Variants in CCDC30 observed in about 807,000 individuals in gnomAD.
CCDC30 encodes the protein coiled-coil domain containing 30, also known as coiled-coil domain-containing protein 30.
In CCDC30, 70 loss-of-function variants were observed where a neutral mutation model predicts 100.2. The ratio of observed to expected loss-of-function variants is 0.70; its 90% CI spans 0.58 to 0.85. CCDC30 has a LOEUF of 0.85. Ranked by LOEUF, CCDC30 falls within the 40% of genes least tolerant of loss-of-function variation. The pLI, the probability that CCDC30 is intolerant of heterozygous loss-of-function variation, is 0.00. For synonymous variants in CCDC30, 233 were observed against 269.5 expected, an observed-to-expected ratio of 0.86 and a Z score of 1.33; for missense variants, 652 against 771.2, an observed-to-expected ratio of 0.85 and a Z score of 1.83.
intron 1 of CCDC30, among the ~76,000 whole-genome samples, chr1:42,474,052 T>C (rs2148445510): frequency 6.6e-6 from 1 of 152,302 alleles, no homozygotes; most frequent in Middle Eastern, 3.4e-3. Flanking sequence ...TAATGAATTA[T>C]CTCAGGTTGC....
intron 6 of CCDC30, among the ~76,000 whole-genome samples, chr1:42,555,495 G>A (rs916602148): frequency 6.6e-6 from 1 of 152,138 alleles, no homozygotes; most frequent in African/African-American, 2.4e-5. Flanking sequence ...ATCATGTCCT[G>A]TTGAAGCCCT....
At chr1:42,546,349 C>T (rs1282974355) in intron 6 of CCDC30, among the ~76,000 whole-genome samples, 2 of 130,784 alleles carry the variant, frequency 1.5e-5, no homozygotes, top group African/African-American at 5.7e-5. Flanking sequence ...CACGCCATTG[C>T]ACTCCAGCCT....
chr1:42,491,286 A>G (rs1644136884), intron 4 of CCDC30, among the ~76,000 whole-genome samples: 1 of 152,216 alleles, frequency 6.6e-6, no homozygotes, highest in Non-Finnish European at 1.5e-5. Context: ...CCCATGAAAC[A>G]TTCACCAAGA....
At chr1:42,601,798 A>G (rs1646409676) in intron 10 of CCDC30, among the ~76,000 whole-genome samples, 1 of 152,220 alleles carries the variant, frequency 6.6e-6, no homozygotes, top group Non-Finnish European at 1.5e-5. Flanking sequence ...AACAACAGCA[A>G]ACAGGAAACC....
chr1:42,477,525 T>C (rs1643897522), intron 1 of CCDC30, among the ~76,000 whole-genome samples: 1 of 152,112 alleles, frequency 6.6e-6, no homozygotes, highest in African/African-American at 2.4e-5. Flanking sequence ...TTTTGCAATA[T>C]AAATTAGCTC....
At chr1:42,653,470 C>G (rs1479407890) in intron 16 of CCDC30, 27 bp downstream of exon 20, 1 of 1,428,892 alleles carries the variant, frequency 7.0e-7, no homozygotes, top group Non-Finnish European at 9.8e-7. Flanking sequence ...CAAATAAAGT[C>G]AAGTCTATCT....
At chr1:42,483,199 T>C (rs1643993818) in intron 3 of CCDC30, among the ~76,000 whole-genome samples, 1 of 152,244 alleles carries the variant, frequency 6.6e-6, no homozygotes. Flanking sequence ...CTCAGTCTTA[T>C]AAGATTCATT....
intron 3 of CCDC30, among the ~76,000 whole-genome samples, chr1:42,483,648 T>C (rs1044646330): frequency 2.6e-5 from 4 of 152,236 alleles, no homozygotes; most frequent in Admixed American, 1.3e-4. Context: ...TTGTTGTTGT[T>C]ACTCGTTTGG....
intron 11 of CCDC30, among the ~76,000 whole-genome samples, chr1:42,633,639 G>A (rs1377529538): frequency 2.0e-5 from 3 of 152,082 alleles, no homozygotes; most frequent in African/African-American, 7.2e-5. Flanking sequence ...GCCAGTCTCC[G>A]TGTCTCATAT....
chr1:42,461,138 A>G (rs898995320), upstream of CCDC30, among the ~76,000 whole-genome samples: 2 of 152,228 alleles, frequency 1.3e-5, no homozygotes, highest in African/African-American at 4.8e-5. Context: ...TTTGACTTAA[A>G]ATACAATTCA....
intron 6 of CCDC30, among the ~76,000 whole-genome samples, chr1:42,512,767 A>G (rs1644498647): frequency 6.6e-6 from 1 of 152,068 alleles, no homozygotes; most frequent in African/African-American, 2.4e-5. Flanking sequence ...TCAGGACCTC[A>G]CTCAGCCCCA....
chr1:42,628,593 G>C (rs917661880), intron 11 of CCDC30, among the ~76,000 whole-genome samples: 2 of 152,074 alleles, frequency 1.3e-5, no homozygotes, highest in African/African-American at 4.8e-5. Context: ...GAATCATGGG[G>C]GCCAGTCTTT....
chr1:42,558,505 T>G (rs1645419403), intron 6 of CCDC30, among the ~76,000 whole-genome samples: 2 of 152,172 alleles, frequency 1.3e-5, no homozygotes, highest in Non-Finnish European at 2.9e-5. Flanking sequence ...TCTTTCTAAC[T>G]CATCACCCCA....
At chr1:42,606,478 A>G (rs1318481393) in intron 10 of CCDC30, among the ~76,000 whole-genome samples, 1 of 152,090 alleles carries the variant, frequency 6.6e-6, no homozygotes, top group Non-Finnish European at 1.5e-5. Flanking sequence ...AGGTTTCACC[A>G]TGTTGGCCAG....
intron 11 of CCDC30, among the ~76,000 whole-genome samples, chr1:42,624,945 G>A (rs551330856): frequency 1.3e-5 from 2 of 152,300 alleles, no homozygotes; most frequent in African/African-American, 4.8e-5. Context: ...TTTCAAAATA[G>A]TTTGAGTAGG....
chr1:42,569,774 C>T (rs1190613106), intron 7 of CCDC30, among the ~76,000 whole-genome samples: 2 of 152,242 alleles, frequency 1.3e-5, no homozygotes, highest in Admixed American at 6.5e-5. Context: ...GGCACATATA[C>T]ACCGTGGAAT....
At chr1:42,533,954 G>A (rs1239680719) in intron 6 of CCDC30, 1 of 129,790 alleles carries the variant, frequency 7.7e-6, no homozygotes, top group Admixed American at 7.4e-5. Context: ...GCTGGCAGGT[G>A]AGGTAGGCTC....
chr1:42,536,328 A>G (rs1440975110), intron 6 of CCDC30, 148 bp from the exon 7 acceptor site: 1 of 497,240 alleles, frequency 2.0e-6, no homozygotes, highest in Non-Finnish European at 3.5e-6. Flanking sequence ...AGAGAGAAAA[A>G]TGTATCTTAT....
intron 7 of CCDC30, among the ~76,000 whole-genome samples, chr1:42,572,442 G>A (rs996771499): frequency 5.3e-5 from 8 of 151,936 alleles, no homozygotes; most frequent in African/African-American, 1.9e-4. Flanking sequence ...TATAAACATC[G>A]ACTCTGTGGC....
Sources: gnomAD v4.1 joint callset for allele counts (sites outside exome capture counted in the v4.1 genomes callset) on GRCh38, gnomAD v4.1.1 for gene constraint, MANE v1.5 for transcripts, NCBI Gene and HGNC (gene_info 2026-07-23, HGNC 2026-07-21) for gene names.